APOB: variants seen among roughly 807,000 people sequenced by gnomAD.
APOB encodes apolipoprotein B-100.
In APOB, 153 loss-of-function variants were observed where a neutral mutation model predicts 314.1. That is an observed-to-expected ratio of 0.49 (90% CI 0.43 to 0.56). The LOEUF is 0.56. Among genes scored for constraint, APOB ranks in the 20% least tolerant of loss-of-function variants. The pLI is 0.00. For missense variants in APOB, 5,430 were observed against 5,350.7 expected (o/e 1.01, Z -0.46); for synonymous variants, 2,087 against 2,036.4 (o/e 1.02, Z -0.67).
In APOB at chr2:21,008,407, G is replaced by C. The variant is rs370609003; in HGVS notation, c.8461C>G (p.Pro2821Ala). ...TTCACTGACTCCTTCAGAGCCAGCG[G>C]ATTAATCTTAGGGTTTGAGAGTTGT... ...NAQLSNPKIN[P>A]LALKESVKFS... Residue 2821 changes from proline (P) to alanine (A), a missense_variant, in exon 26 of 29, where the codon CCG becomes GCG. By Grantham distance (27) the Pro-to-Ala change is conservative. This residue lies in a region of APOB where 3,281 missense variants were observed against 3,171.0 expected (regional missense o/e 1.03). Coordinates refer to ENST00000233242, the MANE Select transcript of APOB (RefSeq NM_000384.3). 6.2e-7 allele frequency: 1 copy of C among 1,613,930 alleles called. No homozygotes were observed. Among genetic ancestry groups the C allele is most frequent in the African/African-American group, 1.3e-5 (1 of 74,904 alleles).
Position 21,022,915 on chromosome 2 carries a change from A to G in APOB, c.2732T>C (p.Leu911Pro). The G allele has an allele frequency of 6.2e-7, 1 of 1,614,190 alleles. No individual in the cohort carries two copies. The highest frequency in any genetic ancestry group is 8.5e-7 in the Non-Finnish European group (1 of 1,180,032). ...MNTNFFHESG[L>P]EAHVALKAGK... ...AGCTTTTAGGGCAACATGAGCCTCCAGACCCGACTCGTGGAAGAAGTTGGT... is the reference window on the plus strand; with the variant it reads ...AGCTTTTAGGGCAACATGAGCCTCCGGACCCGACTCGTGGAAGAAGTTGGT... The change falls in exon 18 of 29, where the codon CTG (leucine) becomes CCG (proline). Residue 911 changes from leucine (L) to proline (P), a missense_variant. This residue lies in a region of APOB where 2,085 missense variants were observed against 2,079.7 expected (regional missense o/e 1.00). Transcript: ENST00000233242.
Position 21,005,407 on chromosome 2 carries a change from T to C in APOB, c.11461A>G (p.Thr3821Ala), listed in dbSNP as rs777808452. The C allele has an allele frequency of 1.9e-6, 3 of 1,614,078 alleles. No individual in the cohort carries two copies. The highest frequency in any genetic ancestry group is 2.5e-6 in the Non-Finnish European group (3 of 1,179,968). Residue 3821 changes from threonine to alanine, a missense_variant, in exon 26 of 29, where the codon ACT becomes GCT. By Grantham distance (58) the Thr-to-Ala change is moderately conservative. Coordinates refer to ENST00000233242, the MANE Select transcript of APOB (RefSeq NM_000384.3). The stretch of plus-strand genomic sequence containing the variant: ...TTTGGAAGCGTGAACTGGGACACAG[T>C]TAACTGAGATTCAGGCACGGTTATC... ...FEITVPESQL[T>A]VSQFTLPKSV... is the part of the protein sequence containing the mutation.
chr2:21,019,504 T>C (rs1304194921), intron 19 of APOB, among the ~76,000 whole-genome samples: 1 of 152,122 alleles, frequency 6.6e-6, no homozygotes, highest in Non-Finnish European at 1.5e-5. Flanking sequence ...TAGGAGCAAA[T>C]TGGGATCTGT....
Position 21,012,525 on chromosome 2 carries a change from A to C in APOB, c.4343T>G (p.Val1448Gly). The C allele has an allele frequency of 6.2e-7, 1 of 1,614,210 alleles. No individual in the cohort carries two copies. The highest frequency in any genetic ancestry group is 8.5e-7 in the Non-Finnish European group (1 of 1,180,040). The change falls in exon 26 of 29, where the codon GTC becomes GGC. Residue 1448 changes from valine to glycine, a missense_variant. Transcript: ENST00000233242. Reference protein sequence around the residue: ...SHVEKLGNNPVSKGLLIFDAS... With the variant: ...SHVEKLGNNPGSKGLLIFDAS... Reference sequence around the variant, plus strand: ...ATCGAATATTAGTAAACCTTTTGAGACTGGGTTGTTTCCAAGTTTTTCTAC... The same window carrying C: ...ATCGAATATTAGTAAACCTTTTGAGCCTGGGTTGTTTCCAAGTTTTTCTAC...
At chr2:21,031,459 G>A (rs1320097381) in intron 10 of APOB, among the ~76,000 whole-genome samples, 1 of 152,204 alleles carries the variant, frequency 6.6e-6, no homozygotes, top group Non-Finnish European at 1.5e-5. Context: ...AGGTGTGGAA[G>A]TGGAGGGAGA....
In APOB at chr2:21,040,978, T is replaced by C. The variant is rs1235995082; in HGVS notation, c.343A>G (p.Lys115Glu). The C allele has an allele frequency of 6.2e-7, 1 of 1,614,128 alleles. No individual in the cohort carries two copies. The highest frequency in any genetic ancestry group is 8.5e-7 in the Non-Finnish European group (1 of 1,180,032). Residue 115 changes from lysine (K) to glutamate (E), a missense_variant, in exon 4 of 29, where the codon AAA becomes GAA. Coordinates refer to ENST00000233242, the MANE Select transcript of APOB (RefSeq NM_000384.3). ...FNPEGKALLKKTKNSEEFAAA... is the reference protein window; with the variant it reads ...FNPEGKALLKETKNSEEFAAA... ...GCAAACTCCTCAGAGTTCTTGGTTT[T>C]CTTCAGCAAGGCTTTGCCCTCAGGG...
chr2:21,029,208 G>T (rs1663817297), intron 12 of APOB, among the ~76,000 whole-genome samples: 1 of 152,236 alleles, frequency 6.6e-6, no homozygotes, highest in Non-Finnish European at 1.5e-5. Flanking sequence ...CCAGCACTTT[G>T]CAAGGCTGAG....
At chr2:21,037,362 G>A (rs1424662668) in intron 5 of APOB, 107 bp from the exon 6 acceptor site, 14 of 1,203,604 alleles carry the variant, frequency 1.2e-5, no homozygotes, top group Non-Finnish European at 1.7e-5. Context: ...AAGGAATCTA[G>A]CTTTGGGAGG....
In APOB at chr2:21,008,695, T is replaced by G. The variant is rs201461940; in HGVS notation, c.8173A>C (p.Thr2725Pro). Residue 2725 changes from threonine (T) to proline (P), a missense_variant, in exon 26 of 29, where the codon ACT becomes CCT. By Grantham distance (38) the Thr-to-Pro change is conservative (BLOSUM62 -1). Around this residue, in one of 3 missense-constraint regions of APOB, gnomAD observed 3,281 missense variants for 3,171.0 expected, o/e 1.03. Coordinates refer to ENST00000233242, the MANE Select transcript of APOB (RefSeq NM_000384.3). ...ACTTGAAAATCATTAAGGTTGAGAG[T>G]TGGGATTATGAATTCTGGAATTGCG... Reference protein sequence around the residue: ...EIAIPEFIIPTLNLNDFQVPD... With the variant: ...EIAIPEFIIPPLNLNDFQVPD... 6.3e-5 allele frequency: 102 copies of G among 1,613,888 alleles called. 1 individual carries two copies. The highest frequency in any genetic ancestry group is 9.3e-6 in the Non-Finnish European group (11 of 1,179,936).
intron 20 of APOB, 123 bp from the exon 21 acceptor site, chr2:21,016,772 C>T (rs1663478991): frequency 1.4e-6 from 1 of 719,124 alleles, no homozygotes; most frequent in Non-Finnish European, 2.5e-6. Flanking sequence ...ATCATGAGGT[C>T]AGGAGATCAA....
chr2:21,043,813 C>T, intron 1 of APOB, 51 bp downstream of exon 1: 3 of 1,531,222 alleles, frequency 2.0e-6, no homozygotes, highest in Non-Finnish European at 1.7e-6. Flanking sequence ...AACCTCGTGC[C>T]GCCGGCTCCC....
intron 20 of APOB, among the ~76,000 whole-genome samples, chr2:21,017,733 T>C (rs1373964280): frequency 6.6e-6 from 1 of 152,168 alleles, no homozygotes; most frequent in Non-Finnish European, 1.5e-5. Flanking sequence ...TGTAACAAGA[T>C]TCCCGGGCGT....
chr2:21,030,127 A>G (rs1030986557), intron 10 of APOB, 112 bp from the exon 11 acceptor site: 1 of 739,592 alleles, frequency 1.4e-6, no homozygotes, highest in Non-Finnish European at 2.3e-6. Context: ...GAATCCAAAA[A>G]GAGCCTGAAT....
rs766376456 is a variant in APOB, at chr2:21,034,831, G to T, written c.889C>A (p.Arg297Ser). Residue 297 changes from arginine (R) to serine (S), a missense_variant, in exon 8 of 29, where the codon CGC becomes AGC. Coordinates refer to ENST00000233242, the MANE Select transcript of APOB (RefSeq NM_000384.3). ...KLEDTPKINS[R>S]FFGEGTKKMG... ...AAACTCTTACCTTCACCAAAGAAGC[G>T]GCTGTTGATCTTTGGTGTGTCTTCA... 3 of 1,592,828 alleles carry T rather than the reference G, an allele frequency of 1.9e-6. No homozygotes were observed. Among genetic ancestry groups the T allele is most frequent in the South Asian group, 1.1e-5 (1 of 90,636 alleles).
chr2:21,019,743 A>G lies in APOB; in HGVS notation c.2979T>C (p.Tyr993=), dbSNP rs776671066. ...NASSTDSASY[Y]PLTGDTRLEL... ...CTAACCTGGTGTCCCCGGTCAGCGG[A>G]TAGTAGGAGGCGGAGTCTGTGGAGC... Residue 993 remains tyrosine, a synonymous_variant, in exon 19 of 29, where the codon TAT becomes TAC. Coordinates refer to ENST00000233242, the MANE Select transcript of APOB (RefSeq NM_000384.3). The G allele has an allele frequency of 6.2e-7, 1 of 1,614,080 alleles. No individual in the cohort carries two copies. Among genetic ancestry groups the G allele is most frequent in the East Asian group, 2.2e-5 (1 of 44,874 alleles).
At chr2:21,016,999 A>AT (rs1558567945) in intron 20 of APOB, among the ~76,000 whole-genome samples, 3 of 124,488 alleles carry the variant, frequency 2.4e-5, no homozygotes, top group African/African-American at 3.2e-5. Context: ...ATAAATAAAT[A>AT]AATAAATAAA....
At position 21,011,503 on chromosome 2, in the gene APOB, G is replaced by A. The variant is rs1663320297; in HGVS notation, c.5365C>T (p.Gln1789Ter). 1 of 1,614,056 alleles carries A rather than the reference G, an allele frequency of 6.2e-7. No individual in the cohort carries two copies. Among genetic ancestry groups the A allele is most frequent in the African/African-American group, 1.3e-5 (1 of 74,932 alleles). ...AAAGTAGTTACCAGAGAATAGGGCTGTAGCTGTAAATTAACAGTTTGCTTA... is the reference window on the plus strand; with the variant it reads ...AAAGTAGTTACCAGAGAATAGGGCTATAGCTGTAAATTAACAGTTTGCTTA... Reference protein sequence around the residue: ...FYKQTVNLQLQPYSLVTTLNS... With the variant: ...FYKQTVNLQL The change falls in exon 26 of 29, where the codon CAG becomes TAG. Residue 1789 changes from glutamine (Q) to a stop codon, truncating the protein, a stop_gained. Transcript: ENST00000233242. LOFTEE classifies it high-confidence loss of function.
chr2:21,023,465 A>G (rs569001586), intron 17 of APOB, 60 bp downstream of exon 17: 12 of 1,581,184 alleles, frequency 7.6e-6, no homozygotes, highest in Admixed American at 3.3e-5. Context: ...TGTTTTAACA[A>G]GAAATGCACC....
At chr2:21,043,423 C>T in intron 2 of APOB, 90 bp downstream of exon 2, 1 of 1,446,596 alleles carries the variant, frequency 6.9e-7, no homozygotes, top group Non-Finnish European at 9.5e-7. Context: ...GCCATCTCAG[C>T]CCTGTAGAGT....
Sources: gnomAD v4.1 joint callset for allele counts (sites outside exome capture counted in the v4.1 genomes callset) on GRCh38, gnomAD v4.1.1 for gene constraint, gnomAD v4.1.1 regional missense constraint, MANE v1.5 for transcripts, NCBI Gene and HGNC (gene_info 2026-07-23, HGNC 2026-07-21) for gene names.